Variants in L3MBTL4 observed in about 807,000 individuals in gnomAD.
The protein encoded by L3MBTL4 is lethal(3)malignant brain tumor-like protein 4.
L3MBTL4 carries 70 observed loss-of-function variants against 84.5 expected under a neutral mutation model. The observed-to-expected ratio is 0.83, with a 90% confidence interval of 0.68 to 1.01. The LOEUF (loss-of-function observed/expected upper bound fraction) is 1.01. L3MBTL4 is among the 50% of genes least tolerant of loss of function. The pLI is 0.00. For synonymous variants in L3MBTL4, 274 were observed against 259.8 expected, an observed-to-expected ratio of 1.05 and a Z score of -0.52; for missense variants, 715 against 754.8, an observed-to-expected ratio of 0.95 and a Z score of 0.62.
chr18:6,347,347 C>CA, intron 1 of L3MBTL4, among the ~76,000 whole-genome samples: 1 of 149,878 alleles, frequency 6.7e-6, no homozygotes. Context: ...TTCTTACCCC[C>CA]AAAAAAGAAG....
At chr18:6,029,862 T>C (rs889355595) in intron 16 of L3MBTL4, 11 of 985,088 alleles carry the variant, frequency 1.1e-5, no homozygotes, top group Admixed American at 1.2e-4. Context: ...ATAGGATAGA[T>C]TCACACACAG....
chr18:6,159,268 G>A (rs2043222734), intron 13 of L3MBTL4, among the ~76,000 whole-genome samples: 1 of 152,182 alleles, frequency 6.6e-6, no homozygotes, highest in South Asian at 2.1e-4. Context: ...TCTGTTCAGA[G>A]ACGGGATAAC....
chr18:6,346,021 A>G (rs2052884031), intron 1 of L3MBTL4, among the ~76,000 whole-genome samples: 1 of 151,128 alleles, frequency 6.6e-6, no homozygotes, highest in South Asian at 2.1e-4. Context: ...AAACCTATGC[A>G]TATACAGTCA....
At chr18:6,037,273 T>G (rs2056187259) in intron 16 of L3MBTL4, among the ~76,000 whole-genome samples, 1 of 152,224 alleles carries the variant, frequency 6.6e-6, no homozygotes, top group Non-Finnish European at 1.5e-5. Flanking sequence ...ACTACTGTGC[T>G]AAGATAAGAG....
chr18:6,117,564 G>A (rs2059395973), intron 14 of L3MBTL4, among the ~76,000 whole-genome samples: 1 of 152,170 alleles, frequency 6.6e-6, no homozygotes, highest in South Asian at 2.1e-4. Flanking sequence ...GAAACTGGTG[G>A]AGTTAAAGGA....
intron 13 of L3MBTL4, among the ~76,000 whole-genome samples, chr18:6,145,145 T>C (rs1295286396): frequency 2.6e-5 from 4 of 152,148 alleles, no homozygotes; most frequent in African/African-American, 4.8e-5. Flanking sequence ...CATATTGTCA[T>C]GTAAAGATGA....
intron 9 of L3MBTL4, among the ~76,000 whole-genome samples, chr18:6,238,750 TACA>T (rs1221190167): frequency 2.0e-5 from 3 of 152,042 alleles, no homozygotes; most frequent in Admixed American, 1.3e-4. Context: ...AAGACACATA[TACA>T]ACAATACCTC....
intron 14 of L3MBTL4, among the ~76,000 whole-genome samples, chr18:6,130,330 C>T (rs1395022862): frequency 1.3e-5 from 2 of 151,802 alleles, no homozygotes; most frequent in Admixed American, 6.6e-5. Flanking sequence ...TAATTTCCAT[C>T]ATTATTTTTG....
Position 6,143,520 on chromosome 18 carries a change from T to G in L3MBTL4, c.1097-5224A>C, listed in dbSNP as rs541107783. The stretch of plus-strand genomic sequence containing the variant: ...CTGCAAATTCTGCAACAGTTCACAT[T>G]ATTACTCTAAGATAAAGGAAACCTA... On this transcript the variant is annotated intron_variant, in intron 13 of 18. Transcript: ENST00000317931. 1.2e-3 allele frequency among the ~76,000 whole-genome samples: 188 copies of G among 152,316 alleles called. 1 individual carries two copies. The highest frequency in any genetic ancestry group is 2.2e-3 in the Non-Finnish European group (147 of 68,016).
At chr18:6,167,806 T>C (rs1262451630) in intron 13 of L3MBTL4, among the ~76,000 whole-genome samples, 1 of 152,138 alleles carries the variant, frequency 6.6e-6, no homozygotes, top group Admixed American at 6.5e-5. Context: ...CTATTCAACA[T>C]AGTATTGGAA....
chr18:6,178,448 G>A (rs759121778), intron 12 of L3MBTL4, among the ~76,000 whole-genome samples: 5 of 152,180 alleles, frequency 3.3e-5, no homozygotes, highest in Admixed American at 6.5e-5. Flanking sequence ...AGTTAATAGA[G>A]GAGACTGGCA....
intron 10 of L3MBTL4, among the ~76,000 whole-genome samples, chr18:6,228,914 A>ATT (rs1200469159): frequency 6.6e-6 from 1 of 152,124 alleles, no homozygotes; most frequent in African/African-American, 2.4e-5. Flanking sequence ...TTTAATCTGA[A>ATT]TTTTCTTCTG....
intron 10 of L3MBTL4, among the ~76,000 whole-genome samples, chr18:6,229,504 T>G (rs1448896181): frequency 6.6e-6 from 1 of 152,182 alleles, no homozygotes; most frequent in Non-Finnish European, 1.5e-5. Flanking sequence ...GTCTATTTTT[T>G]CTTTTGTTAC....
At chr18:6,090,790 ATTTT>A (rs71370543) in intron 15 of L3MBTL4, among the ~76,000 whole-genome samples, 1 of 129,744 alleles carries the variant, frequency 7.7e-6, no homozygotes, top group Non-Finnish European at 1.7e-5. Context: ...ACACCCACCT[ATTTT>A]TTTTTTTTTT....
chr18:6,101,406 T>G (rs1427042072), intron 14 of L3MBTL4, among the ~76,000 whole-genome samples: 2 of 152,188 alleles, frequency 1.3e-5, no homozygotes, highest in African/African-American at 4.8e-5. Flanking sequence ...TCCCCTTTTC[T>G]GGAAGCAGAG....
At chr18:6,060,331 G>A (rs981079750) in intron 16 of L3MBTL4, among the ~76,000 whole-genome samples, 2 of 150,812 alleles carry the variant, frequency 1.3e-5, no homozygotes, top group East Asian at 1.9e-4. Context: ...ACATTAAAAC[G>A]CATTCAGGTA....
intron 18 of L3MBTL4, among the ~76,000 whole-genome samples, chr18:5,958,130 AAAGAAGAAG>A (rs1195431903): frequency 3.1e-5 from 1 of 31,816 alleles, no homozygotes; most frequent in Non-Finnish European, 7.8e-5. Flanking sequence ...AGAAGAAGAA[AAAGAAGAAG>A]AAGAAGAAGA....
intron 12 of L3MBTL4, among the ~76,000 whole-genome samples, chr18:6,200,828 A>G (rs1050566613): frequency 1.3e-5 from 2 of 152,248 alleles, no homozygotes; most frequent in South Asian, 4.1e-4. Flanking sequence ...ATGTGATGTT[A>G]GAAATAGCTC....
chr18:6,125,938 G>C (rs944642297), intron 14 of L3MBTL4, among the ~76,000 whole-genome samples: 21 of 152,268 alleles, frequency 1.4e-4, no homozygotes, highest in African/African-American at 5.1e-4. Flanking sequence ...ATAGAATCCA[G>C]ACCAAAGACA....
Sources: allele counts gnomAD v4.1 joint callset (sites outside exome capture counted in the v4.1 genomes callset), GRCh38; gene constraint gnomAD v4.1.1; transcripts MANE v1.5; gene names NCBI Gene and HGNC (gene_info 2026-07-23, HGNC 2026-07-21).